The following PRKN variants were observed in gnomAD, a reference collection of about 807,000 sequenced individuals.
PRKN encodes parkin RBR E3 ubiquitin protein ligase.
In PRKN, 56 loss-of-function variants were observed where a neutral mutation model predicts 59.5. That is an observed-to-expected ratio of 0.94 (90% confidence interval 0.76 to 1.18). PRKN has a LOEUF of 1.18. Among genes scored for constraint, PRKN ranks in the 50% most tolerant of loss-of-function variants. The pLI is 0.00. For missense variants in PRKN, 657 were observed against 596.4 expected (o/e 1.10, Z -1.06); for synonymous variants, 250 against 222.1 (o/e 1.13, Z -1.12).
chr6:161,439,809 C>T (rs575747019), intron 9 of PRKN, among the ~76,000 whole-genome samples: 1 of 152,178 alleles, frequency 6.6e-6, no homozygotes, highest in Non-Finnish European at 1.5e-5. Flanking sequence ...AAAGCTACCA[C>T]ATCATTGAGT....
At chr6:161,436,803 G>A (rs1310308644) in intron 9 of PRKN, among the ~76,000 whole-genome samples, 4 of 152,076 alleles carry the variant, frequency 2.6e-5, no homozygotes, top group Non-Finnish European at 4.4e-5. Context: ...ATCTGTAAGA[G>A]TAGCTTTCAG....
chr6:161,427,684 G>T (rs1788443841), intron 9 of PRKN, among the ~76,000 whole-genome samples: 1 of 152,130 alleles, frequency 6.6e-6, no homozygotes, highest in African/African-American at 2.4e-5. Context: ...TTGTTTCACT[G>T]CCACTGTGTT....
intron 1 of PRKN, among the ~76,000 whole-genome samples, chr6:162,498,441 T>A (rs1389820388): frequency 9.6e-6 from 1 of 103,790 alleles, no homozygotes; most frequent in Non-Finnish European, 1.9e-5. Context: ...TCCTTTTTCT[T>A]TTTTTTTTTT....
At chr6:162,296,636 G>A (rs545291236) in intron 2 of PRKN, among the ~76,000 whole-genome samples, 21 of 152,094 alleles carry the variant, frequency 1.4e-4, no homozygotes, top group Admixed American at 2.6e-4. Context: ...AAAAATGAAC[G>A]CACTTTAAAA....
intron 1 of PRKN, among the ~76,000 whole-genome samples, chr6:162,715,192 C>A (rs1778677070): frequency 6.6e-6 from 1 of 152,096 alleles, no homozygotes; most frequent in Non-Finnish European, 1.5e-5. Flanking sequence ...GAAGTGGGGC[C>A]CCACCCCAAA....
intron 2 of PRKN, among the ~76,000 whole-genome samples, chr6:162,322,208 C>CA (rs57740665): frequency 0.47 from 71,784 of 151,584 alleles, 17,614 homozygotes; most frequent in Middle Eastern, 0.54. Context: ...TACAATAGAT[C>CA]AACATATAAA....
At chr6:162,236,568 T>C (rs1357947604) in intron 3 of PRKN, among the ~76,000 whole-genome samples, 2 of 151,652 alleles carry the variant, frequency 1.3e-5, no homozygotes, top group Non-Finnish European at 2.9e-5. Context: ...GGCCGATCAC[T>C]GGAGGTCAGG....
intron 3 of PRKN, among the ~76,000 whole-genome samples, chr6:162,238,665 T>C (rs6926663): frequency 0.49 from 74,422 of 152,090 alleles, 21,194 homozygotes; most frequent in East Asian, 0.86. Flanking sequence ...ACCCCAAAGT[T>C]CACCCTTTTA....
intron 7 of PRKN, among the ~76,000 whole-genome samples, chr6:161,727,578 A>T (rs1195257877): frequency 6.6e-6 from 1 of 152,316 alleles, no homozygotes; most frequent in East Asian, 1.9e-4. Flanking sequence ...GGATTCGCTC[A>T]ATGTATGGTC....
intron 2 of PRKN, among the ~76,000 whole-genome samples, chr6:162,359,615 G>A (rs1208010425): frequency 6.6e-6 from 1 of 151,140 alleles, no homozygotes; most frequent in South Asian, 2.1e-4. Flanking sequence ...CATAAACATG[G>A]TTATAAGTGA....
At chr6:162,097,939 G>T (rs1779810425) in intron 4 of PRKN, among the ~76,000 whole-genome samples, 1 of 152,136 alleles carries the variant, frequency 6.6e-6, no homozygotes, top group Non-Finnish European at 1.5e-5. Context: ...TCAAGTTTTA[G>T]GTGATTTCTT....
intron 2 of PRKN, among the ~76,000 whole-genome samples, chr6:162,383,133 G>A (rs193113996): frequency 4.6e-5 from 7 of 152,220 alleles, no homozygotes; most frequent in Admixed American, 3.9e-4. Flanking sequence ...CCAAACTCAT[G>A]TTAATGTTAA....
At chr6:162,152,461 C>T (rs1034652043) in intron 4 of PRKN, among the ~76,000 whole-genome samples, 2 of 152,184 alleles carry the variant, frequency 1.3e-5, no homozygotes, top group African/African-American at 2.4e-5. Flanking sequence ...TAGGTAAGCC[C>T]TATCTCCTCA....
rs762895265 is a variant in PRKN at position 161,569,353 on chromosome 6, A to G, written c.933+2T>C. ...GATGCAGCCTTTGAGATGCTCACTC[A>G]CCTGCTCTTCTCCCAGAATCCTGAA... is the stretch of plus-strand genomic sequence containing the variant. On this transcript the variant is annotated splice_donor_variant, in intron 8 of 11. Coordinates refer to ENST00000366898, the MANE Select transcript of PRKN (RefSeq NM_004562.3). LOFTEE classifies it high-confidence loss of function. 1.2e-6 allele frequency: 2 copies of G among 1,612,614 alleles called. No individual in the cohort carries two copies. Among genetic ancestry groups the G allele is most frequent in the Non-Finnish European group, 1.7e-6 (2 of 1,178,620 alleles).
chr6:162,053,815 C>T (rs1413670880), intron 5 of PRKN, among the ~76,000 whole-genome samples: 2 of 152,138 alleles, frequency 1.3e-5, no homozygotes, highest in Non-Finnish European at 2.9e-5. Context: ...TCTCCTTTTC[C>T]TTCTATGGAT....
At chr6:162,319,377 G>T (rs1782889486) in intron 2 of PRKN, among the ~76,000 whole-genome samples, 1 of 152,042 alleles carries the variant, frequency 6.6e-6, no homozygotes, top group Non-Finnish European at 1.5e-5. Context: ...AGGCCCTTTG[G>T]AAGTGTTCTC....
In PRKN at chr6:162,216,028, A is replaced by G. The variant is rs1225547643; in HGVS notation, c.413-14776T>C. ...GCACCACTGCACTCCAGCCTGCGCT[A>G]CACAGTGAGACTCTGTCACAAGAAA... On this transcript the variant is annotated intron_variant, in intron 3 of 11. Coordinates refer to ENST00000366898, the MANE Select transcript of PRKN (RefSeq NM_004562.3). Among the ~76,000 whole-genome samples, 5 of 152,104 alleles carry G rather than the reference A, an allele frequency of 3.3e-5. No homozygotes were observed. In the East Asian group the frequency reaches 9.7e-4, roughly 29 times the overall value.
At chr6:162,633,128 C>T (rs935192805) in intron 1 of PRKN, among the ~76,000 whole-genome samples, 3 of 151,604 alleles carry the variant, frequency 2.0e-5, no homozygotes, top group African/African-American at 7.3e-5. Flanking sequence ...AATCACCAGG[C>T]TAAACCTTTA....
intron 5 of PRKN, among the ~76,000 whole-genome samples, chr6:161,984,367 C>G (rs891366387): frequency 6.6e-6 from 1 of 152,150 alleles, no homozygotes; most frequent in African/African-American, 2.4e-5. Context: ...AAGCAATTCT[C>G]CTGCCTCAGC....
Sources: allele counts gnomAD v4.1 joint callset (sites outside exome capture counted in the v4.1 genomes callset), GRCh38; gene constraint gnomAD v4.1.1; transcripts MANE v1.5; gene names NCBI Gene and HGNC (gene_info 2026-07-23, HGNC 2026-07-21).